CACNA1B: variants seen among roughly 807,000 people sequenced by gnomAD.
CACNA1B encodes the protein voltage-dependent N-type calcium channel subunit alpha-1B.
Under a neutral mutation model 247.2 loss-of-function variants are expected in CACNA1B, and 70 were observed. That is an observed-to-expected ratio of 0.28 (90% CI 0.23 to 0.35). The LOEUF is 0.35. CACNA1B is among the 10% of genes least tolerant of loss of function. The probability of loss-of-function intolerance (pLI) is 1.00; values close to 1 mark genes in which losing one functional copy is unlikely to be tolerated. For missense variants in CACNA1B, 2,367 were observed against 3,197.4 expected, an observed-to-expected ratio of 0.74 and a Z score of 6.26; for synonymous variants, 1,231 against 1,294.4, an observed-to-expected ratio of 0.95 and a Z score of 1.05.
Position 138,050,227 on chromosome 9 carries a change from C to A in CACNA1B, c.3710+912C>A. The A allele has an allele frequency of 6.9e-6, 4 of 578,810 alleles. No homozygotes were observed. The highest frequency in any genetic ancestry group is 6.3e-5 in the South Asian group (4 of 63,912). The allele number at this position is 578,810 out of a possible 1,614,324, so 35.9% of individuals were successfully genotyped here. ...GCTGCATGCTGCCGGGAGCCAAGTC[C>A]CCGGCCAGGGGTTCCTGCCATGCCT... On this transcript the variant is annotated intron_variant, in intron 24 of 46. Coordinates refer to ENST00000371372, the MANE Select transcript of CACNA1B (RefSeq NM_000718.4). This position sits in a 1 kb window ranked among gnomAD's most constrained non-coding sequence, Gnocchi z 5.2.
chr9:138,074,113 C>G, intron 34 of CACNA1B, 47 bp downstream of exon 34: 1 of 1,379,410 alleles, frequency 7.2e-7, no homozygotes. Context: ...CCTCCCGTGC[C>G]CTGGAGCAGA....
chr9:138,118,139 G>GAA, intron 43 of CACNA1B, 58 bp downstream of exon 43: 1 of 1,216,736 alleles, frequency 8.2e-7, no homozygotes, highest in Non-Finnish European at 1.1e-6. Context: ...CAGGGATGGG[G>GAA]GATGTTTGAG....
chr9:138,021,119 C>T (rs1046293602), intron 18 of CACNA1B, among the ~76,000 whole-genome samples: 1 of 152,224 alleles, frequency 6.6e-6, no homozygotes, highest in Non-Finnish European at 1.5e-5. Context: ...TGTTTTACAC[C>T]ACTCAGCACT....
intron 31 of CACNA1B, among the ~76,000 whole-genome samples, chr9:138,063,449 G>A (rs965562814): frequency 3.3e-5 from 5 of 152,186 alleles, no homozygotes; most frequent in Admixed American, 6.5e-5. Context: ...AGCTATGATC[G>A]CACCACTGCA....
chr9:138,047,801 C>T (rs1358439703), intron 23 of CACNA1B, among the ~76,000 whole-genome samples: 1 of 152,194 alleles, frequency 6.6e-6, no homozygotes, highest in African/African-American at 2.4e-5. Flanking sequence ...AGGAGGGCTG[C>T]ATGGCATTGG....
In CACNA1B at chr9:138,052,084, C is replaced by T. The variant is rs757082249; in HGVS notation, c.3711-8C>T. On this transcript the variant is annotated splice_region_variant and splice_polypyrimidine_tract_variant and intron_variant, in intron 24 of 46. Coordinates refer to ENST00000371372, the MANE Select transcript of CACNA1B (RefSeq NM_000718.4). This position sits in a 1 kb window ranked among gnomAD's most constrained non-coding sequence, Gnocchi z 5.1. ...TGCCTGTCTGCATCTGTGGCTTCTC[C>T]CTTCTAGAGGATCCAAAGGGAAAGA... The T allele has an allele frequency of 1.3e-6, 2 of 1,563,326 alleles. No homozygotes were observed. The highest frequency in any genetic ancestry group is 1.7e-5 in the Admixed American group (1 of 59,652).
chr9:137,955,918 C>G lies in CACNA1B; in HGVS notation c.1186+105C>G. On this transcript the variant is annotated intron_variant, in intron 8 of 46. Transcript: ENST00000371372. The surrounding 1 kb of genome is among the most constrained non-coding windows in gnomAD (Gnocchi z 6.9). Reference sequence around the variant, plus strand: ...GGGGTGCCCTGGCTGCTGGGTAGAGCCTGAAGGGATTTTGTAGTGAGCAGA... The same window carrying G: ...GGGGTGCCCTGGCTGCTGGGTAGAGGCTGAAGGGATTTTGTAGTGAGCAGA... 1.3e-6 allele frequency: 1 copy of G among 764,728 alleles called. No individual in the cohort carries two copies. The highest frequency in any genetic ancestry group is 1.5e-5 in the South Asian group (1 of 67,136). The allele number at this position is 764,728 out of a possible 1,614,324, so 47.4% of individuals were successfully genotyped here.
chr9:138,096,439 G>T, intron 36 of CACNA1B, 45 bp from the exon 37 acceptor site: 4 of 1,589,116 alleles, frequency 2.5e-6, no homozygotes, highest in Non-Finnish European at 3.4e-6. Context: ...GGGGAGGGCA[G>T]GCTGAGGTCT....
intron 12 of CACNA1B, among the ~76,000 whole-genome samples, chr9:137,981,329 G>A (rs1958291038): frequency 6.6e-6 from 1 of 152,150 alleles, no homozygotes; most frequent in Non-Finnish European, 1.5e-5. Context: ...AAACCAGCAA[G>A]TCCTGGCTTC....
At chr9:137,962,226 T>G (rs185884385) in intron 10 of CACNA1B, among the ~76,000 whole-genome samples, 1 of 152,080 alleles carries the variant, frequency 6.6e-6, no homozygotes, top group Non-Finnish European at 1.5e-5. Context: ...AGTGGTGATA[T>G]CTCCTTTATC....
At chr9:137,996,282 G>T (rs1958499720) in intron 15 of CACNA1B, among the ~76,000 whole-genome samples, 1 of 152,196 alleles carries the variant, frequency 6.6e-6, no homozygotes, top group Non-Finnish European at 1.5e-5. Flanking sequence ...TCAACGAGTG[G>T]ATGAAGAAAA....
In CACNA1B at chr9:138,069,774, C is replaced by T. The variant is rs188117202; in HGVS notation, c.4674+11C>T. 1.9e-5 allele frequency: 30 copies of T among 1,608,010 alleles called. No individual in the cohort carries two copies. The highest frequency in any genetic ancestry group is 9.3e-5 in the African/African-American group (7 of 74,964). On this transcript the variant is annotated intron_variant, in intron 32 of 46. Transcript: ENST00000371372. Reference sequence around the variant, plus strand: ...CACATGTAGGAAACGGTTGGTTTCACGACTCTGAACGGTTCTTGCAAGTCC... The same window carrying T: ...CACATGTAGGAAACGGTTGGTTTCATGACTCTGAACGGTTCTTGCAAGTCC...
intron 10 of CACNA1B, among the ~76,000 whole-genome samples, chr9:137,958,717 T>C (rs1313366862): frequency 6.6e-6 from 1 of 152,218 alleles, no homozygotes; most frequent in Admixed American, 6.5e-5. Flanking sequence ...GGTGTGGTAC[T>C]GTTCAGAGTT....
At chr9:137,956,517 G>T (rs1047516995) in intron 8 of CACNA1B, among the ~76,000 whole-genome samples, 2 of 152,166 alleles carry the variant, frequency 1.3e-5, no homozygotes, top group African/African-American at 4.8e-5. Flanking sequence ...AATTAGCCGG[G>T]CATGGTAGCA....
Position 138,109,220 on chromosome 9 carries a change from G to A in CACNA1B, c.5429-3178G>A, listed in dbSNP as rs7034522. The stretch of plus-strand genomic sequence containing the variant: ...GGTCAATTGATTTTTAACAAACTTG[G>A]AAAGGCAATTAATGGAGAAAAGATC... On this transcript the variant is annotated intron_variant, in intron 39 of 46. Transcript: ENST00000371372. Among the ~76,000 whole-genome samples, 1,099 of 152,278 alleles carry A rather than the reference G, an allele frequency of 7.2e-3. 16 individuals are homozygous for A. The highest frequency in any genetic ancestry group is 0.026 in the African/African-American group (1,061 of 41,538).
intron 6 of CACNA1B, among the ~76,000 whole-genome samples, chr9:137,942,297 T>A (rs1957741725): frequency 1.3e-5 from 2 of 152,136 alleles, no homozygotes; most frequent in Non-Finnish European, 2.9e-5. Context: ...CCTGCAAGAA[T>A]GGTGGTAATA....
chr9:137,986,588 G>T lies in CACNA1B; in HGVS notation c.1901+44G>T. ...GAGAGCTCAAGGCTGGGGGCTTGCAGGGAAGCAGAGCTCAGAGCAGACGGT... is the reference window on the plus strand; with the variant it reads ...GAGAGCTCAAGGCTGGGGGCTTGCATGGAAGCAGAGCTCAGAGCAGACGGT... On this transcript the variant is annotated intron_variant, in intron 14 of 46. Transcript: ENST00000371372. The surrounding 1 kb of genome is among the most constrained non-coding windows in gnomAD (Gnocchi z 6.0). 1 of 1,610,500 alleles carries T rather than the reference G, an allele frequency of 6.2e-7. No individual in the cohort carries two copies.
In CACNA1B at chr9:137,881,063, G is replaced by A. The variant is rs1256608493; in HGVS notation, c.391-1681G>A. Among the ~76,000 whole-genome samples the A allele has an allele frequency of 6.6e-6, 1 of 152,242 alleles. No individual in the cohort carries two copies. Among genetic ancestry groups the A allele is most frequent in the African/African-American group, 2.4e-5 (1 of 41,470 alleles). On this transcript the variant is annotated intron_variant, in intron 2 of 46. Transcript: ENST00000371372. This position sits in a 1 kb window ranked among gnomAD's most constrained non-coding sequence, Gnocchi z 4.3. ...TCGGGCTGGGGGCTCCTTCCCAGCT[G>A]AGGGTGCTGGCTGGTCCTTCCTAGG...
intron 6 of CACNA1B, among the ~76,000 whole-genome samples, chr9:137,949,301 C>A (rs938240192): frequency 6.5e-4 from 1 of 1,550 alleles, no homozygotes; most frequent in Non-Finnish European, 1.3e-3. Flanking sequence ...TCCTTTGTGT[C>A]TGGTGTGTGT....
Sources: gnomAD v4.1 joint callset for allele counts (sites outside exome capture counted in the v4.1 genomes callset) on GRCh38, gnomAD v4.1.1 for gene constraint, Gnocchi (gnomAD v3.1) non-coding constraint, MANE v1.5 for transcripts, NCBI Gene and HGNC (gene_info 2026-07-23, HGNC 2026-07-21) for gene names.